The following TSPAN15 variants were observed in gnomAD, a reference collection of about 807,000 sequenced individuals.
TSPAN15 encodes the protein tetraspanin 15, also known as tetraspanin-15.
A neutral mutation model predicts 34.5 loss-of-function variants in TSPAN15; 20 were observed. The observed-to-expected ratio is 0.58, with a 90% CI of 0.41 to 0.84. The LOEUF is 0.84. Ranked by LOEUF, TSPAN15 falls within the 40% of genes least tolerant of loss-of-function variation. The pLI, the probability that TSPAN15 is intolerant of heterozygous loss-of-function variation, is 0.00. For synonymous variants in TSPAN15, 155 were observed against 153.9 expected (o/e 1.01, Z -0.05); for missense variants, 313 against 386.1 (o/e 0.81, Z 1.59).
At chr10:69,494,809 T>TG in intron 3 of TSPAN15, 1 of 985,422 alleles carries the variant, frequency 1.0e-6, no homozygotes, top group Non-Finnish European at 1.2e-6. Flanking sequence ...CTCTGAAAGC[T>TG]GCGATTGTTA....
At position 69,507,652 on chromosome 10, in the gene TSPAN15, T is replaced by TTTTG; in HGVS notation, c.*677_*678insGTTT. 1.8e-5 allele frequency: 3 copies of TTTTG among 166,482 alleles called. No individual in the cohort carries two copies. Among genetic ancestry groups the TTTTG allele is most frequent in the African/African-American group, 4.9e-4 (2 of 4,100 alleles). The allele number at this position is 166,482 out of a possible 1,614,324, so 10.3% of individuals were successfully genotyped here. A position where few individuals can be genotyped will look rare whatever the true frequency, so the allele number is the denominator to read the frequency against. ...TTGTTAATCAAACAATAAAAACATG[T>TTTTG]TTTTTTTTTTTTTTTTTTTTTGCCT... On this transcript the variant is annotated 3_prime_UTR_variant, in exon 8 of 8. Transcript: ENST00000373290.
chr10:69,457,308 G>A (rs1405565603), intron 1 of TSPAN15, among the ~76,000 whole-genome samples: 2 of 152,230 alleles, frequency 1.3e-5, no homozygotes, highest in Non-Finnish European at 2.9e-5. Flanking sequence ...GTACCTACAA[G>A]GCGAGGATCC....
intron 5 of TSPAN15, among the ~76,000 whole-genome samples, chr10:69,501,217 T>C (rs1842200492): frequency 1.3e-5 from 2 of 151,944 alleles, no homozygotes. Flanking sequence ...AAAGATGCGG[T>C]TGGATATAGG....
the TSPAN15 span, among the ~76,000 whole-genome samples, chr10:69,521,031 A>G: frequency 6.6e-6 from 1 of 151,042 alleles, no homozygotes; most frequent in Non-Finnish European, 1.5e-5. Context: ...GTGATAGGTA[A>G]TTTCATGTGT....
the TSPAN15 span, among the ~76,000 whole-genome samples, chr10:69,539,549 AGG>A: frequency 9.7e-6 from 1 of 103,346 alleles, no homozygotes; most frequent in Non-Finnish European, 2.0e-5. Context: ...GAGAAGGAGA[AGG>A]AGAAGGAGAA....
At chr10:69,495,207 CT>C in intron 3 of TSPAN15, 1 of 186,036 alleles carries the variant, frequency 5.4e-6, no homozygotes, top group South Asian at 1.2e-4. Context: ...GGGCCCATCC[CT>C]GGGCGGTAGA....
downstream of TSPAN15, among the ~76,000 whole-genome samples, chr10:69,509,172 C>G (rs1242766018): frequency 6.6e-6 from 1 of 152,138 alleles, no homozygotes; most frequent in African/African-American, 2.4e-5. Context: ...GTCACCTTAC[C>G]TGGACCCTGG....
the TSPAN15 span, among the ~76,000 whole-genome samples, chr10:69,518,588 T>A: frequency 2.0e-5 from 3 of 152,188 alleles, no homozygotes. Flanking sequence ...CATGCCCAGA[T>A]AATTTTTGTA....
At chr10:69,454,896 C>A (rs1182356157) in intron 1 of TSPAN15, among the ~76,000 whole-genome samples, 2 of 151,822 alleles carry the variant, frequency 1.3e-5, no homozygotes, top group Non-Finnish European at 2.9e-5. Context: ...AAGGGTAAGG[C>A]CGGGTGAGGT....
chr10:69,474,112 A>C (rs903762572), intron 1 of TSPAN15, among the ~76,000 whole-genome samples: 14 of 152,068 alleles, frequency 9.2e-5, no homozygotes, highest in African/African-American at 2.9e-4. Flanking sequence ...TGAGCCTCAC[A>C]TCCTCGGCTC....
Position 69,465,905 on chromosome 10 carries a change from A to G in TSPAN15, c.96+14215A>G, listed in dbSNP as rs115883189. ...AGAAGGCCATCCCGGTCAGGTTTGT[A>G]ACTTTACGTAGAAGTTACAAGACAT... On this transcript the variant is annotated intron_variant, in intron 1 of 7. Transcript: ENST00000373290. Among the ~76,000 whole-genome samples, 312 of 152,346 alleles carry G rather than the reference A, an allele frequency of 2.0e-3. 1 individual carries two copies. Among genetic ancestry groups the G allele is most frequent in the African/African-American group, 7.3e-3 (303 of 41,576 alleles).
In TSPAN15 at chr10:69,485,155, T is replaced by G; in HGVS notation, c.297T>G (p.Leu99=). 1 of 1,614,164 alleles carries G rather than the reference T, an allele frequency of 6.2e-7. No homozygotes were observed. The highest frequency in any genetic ancestry group is 8.5e-7 in the Non-Finnish European group (1 of 1,180,018). ...CTGTTTTCCAGTTCATGTACATCCT[T>G]GGGATCTGCCTCATCATGGAGCTCA... The part of the protein sequence containing the change: ...LYLLQAFMYI[L]GICLIMELIG... The change falls in exon 3 of 8, where the codon CTT becomes CTG. Residue 99 remains leucine, a synonymous_variant. Coordinates refer to ENST00000373290, the MANE Select transcript of TSPAN15 (RefSeq NM_012339.5).
the TSPAN15 span, among the ~76,000 whole-genome samples, chr10:69,535,667 G>A: frequency 1.3e-5 from 2 of 152,150 alleles, no homozygotes; most frequent in Non-Finnish European, 2.9e-5. Context: ...TCTGCCCCTG[G>A]CACCCACACC....
chr10:69,517,738 C>A, the TSPAN15 span, among the ~76,000 whole-genome samples: 2 of 152,180 alleles, frequency 1.3e-5, no homozygotes, highest in Non-Finnish European at 2.9e-5. Flanking sequence ...TGGCACCACA[C>A]GCCCCAATAT....
intron 1 of TSPAN15, among the ~76,000 whole-genome samples, chr10:69,453,723 CTAATTTT>C (rs1841024498): frequency 6.6e-6 from 1 of 152,216 alleles, no homozygotes. Context: ...AAACTGAACT[CTAATTTT>C]TAAGGCTTTG....
the TSPAN15 span, among the ~76,000 whole-genome samples, chr10:69,534,424 G>A: frequency 6.6e-6 from 1 of 152,304 alleles, no homozygotes; most frequent in East Asian, 1.9e-4. Flanking sequence ...TGATCTGATT[G>A]TGTAATTATG....
At chr10:69,539,482 G>GAAGAAGA in the TSPAN15 span, among the ~76,000 whole-genome samples, 11 of 67,054 alleles carry the variant, frequency 1.6e-4, no homozygotes, top group African/African-American at 3.9e-4. Context: ...GAAGGAGAAG[G>GAAGAAGA]AGAAGAAGAA....
chr10:69,507,863 G>A (rs992829198), downstream of TSPAN15, among the ~76,000 whole-genome samples: 1 of 151,518 alleles, frequency 6.6e-6, no homozygotes, highest in African/African-American at 2.4e-5. Flanking sequence ...ACCGAGAACC[G>A]AGGGAAACAG....
chr10:69,459,205 C>CATT (rs1373339348), intron 1 of TSPAN15, among the ~76,000 whole-genome samples: 2 of 124,264 alleles, frequency 1.6e-5, no homozygotes, highest in East Asian at 4.0e-4. Flanking sequence ...AAGGCAGGAG[C>CATT]ATTCAGTCTT....
Sources: allele counts gnomAD v4.1 joint callset (sites outside exome capture counted in the v4.1 genomes callset), GRCh38; gene constraint gnomAD v4.1.1; transcripts MANE v1.5; gene names NCBI Gene and HGNC (gene_info 2026-07-23, HGNC 2026-07-21).